Variants in DNAH6 observed in about 807,000 individuals in gnomAD.
The protein encoded by DNAH6 is dynein axonemal heavy chain 6, also known as axonemal beta dynein heavy chain 6.
A neutral mutation model predicts 491.4 loss-of-function variants in DNAH6; 340 were observed. The observed-to-expected ratio is 0.69, with a 90% CI of 0.63 to 0.76. The LOEUF (loss-of-function observed/expected upper bound fraction) is 0.76. DNAH6 is among the 30% of genes least tolerant of loss of function. The pLI, the probability that DNAH6 is intolerant of heterozygous loss-of-function variation, is 0.00. For missense variants in DNAH6, 4,443 were observed against 4,972.2 expected (o/e 0.89, Z 3.20); for synonymous variants, 1,603 against 1,686.1 (o/e 0.95, Z 1.21).
chr2:84,778,257 A>G, intron 64 of DNAH6: 1 of 603,848 alleles, frequency 1.7e-6, no homozygotes, highest in South Asian at 1.8e-5. Context: ...TCAGGAATGC[A>G]TGTCCGGCGG....
At chr2:84,625,210 TA>T (rs1444986601) in intron 29 of DNAH6, 147 bp downstream of exon 29, 2 of 783,616 alleles carry the variant, frequency 2.6e-6, no homozygotes, top group African/African-American at 3.6e-5. Context: ...GTGGAATAAA[TA>T]GAGCAAGGGA....
intron 3 of DNAH6, among the ~76,000 whole-genome samples, chr2:84,527,145 G>A (rs1464686596): frequency 6.6e-6 from 1 of 152,140 alleles, no homozygotes; most frequent in Non-Finnish European, 1.5e-5. Flanking sequence ...AGGATTTCCT[G>A]GGAGGTAAAG....
chr2:84,777,659 C>A (rs1041107342), intron 64 of DNAH6: 50 of 813,118 alleles, frequency 6.1e-5, no homozygotes, highest in East Asian at 3.1e-4. Flanking sequence ...TACAGGCACA[C>A]TGGAATCTCC....
chr2:84,732,147 T>A (rs1042445512), intron 61 of DNAH6, among the ~76,000 whole-genome samples: 4 of 152,054 alleles, frequency 2.6e-5, no homozygotes, highest in Admixed American at 2.6e-4. Flanking sequence ...AATAAGCAAG[T>A]GACAATAAGA....
At chr2:84,809,405 C>G (rs1290281227) in intron 72 of DNAH6, among the ~76,000 whole-genome samples, 1 of 152,120 alleles carries the variant, frequency 6.6e-6, no homozygotes, top group East Asian at 1.9e-4. Context: ...GCTTGGCTGG[C>G]AATACCTAGG....
intron 4 of DNAH6, among the ~76,000 whole-genome samples, chr2:84,540,250 T>A (rs1369532187): frequency 6.6e-6 from 1 of 152,124 alleles, no homozygotes; most frequent in African/African-American, 2.4e-5. Flanking sequence ...TCAGCCTGAT[T>A]GAAGAGGATG....
rs1316463224 is a variant in DNAH6, at chr2:84,525,682, T to A, written c.343T>A (p.Phe115Ile). 6.5e-7 allele frequency: 1 copy of A among 1,550,196 alleles called. No homozygotes were observed. The highest frequency in any genetic ancestry group is 8.7e-7 in the Non-Finnish European group (1 of 1,146,260). Residue 115 changes from phenylalanine to isoleucine, a missense_variant, in exon 3 of 77, where the codon TTT becomes ATT. Physicochemically the swap from Phe to Ile is conservative, Grantham distance 21. Around this residue, in one of 3 missense-constraint regions of DNAH6, gnomAD observed 2,977 missense variants for 3,296.6 expected, o/e 0.90. Coordinates refer to ENST00000389394, the MANE Select transcript of DNAH6 (RefSeq NM_001370.2). ...TCCAGTAAGCATAGCAAAAAAAAGT[T>A]TTGCCACATCATCTACTCAGTTTCT... The part of the protein sequence containing the change: ...KRPVSIAKKS[F>I]ATSSTQFLEH...
intron 48 of DNAH6, 48 bp downstream of exon 48, chr2:84,699,782 C>T: frequency 6.5e-7 from 1 of 1,537,568 alleles, no homozygotes; most frequent in Non-Finnish European, 8.8e-7. Flanking sequence ...ACTTGCTTGA[C>T]TTTAAAGGGG....
chr2:84,583,167 A>G (rs1683205312), intron 14 of DNAH6, among the ~76,000 whole-genome samples: 1 of 152,238 alleles, frequency 6.6e-6, no homozygotes, highest in Non-Finnish European at 1.5e-5. Flanking sequence ...GGGCTGTAGT[A>G]AAATAATTTA....
At chr2:84,515,107 T>G (rs930246740), upstream of DNAH6, among the ~76,000 whole-genome samples, 1 of 152,246 alleles carries the variant, frequency 6.6e-6, no homozygotes, top group Non-Finnish European at 1.5e-5. Flanking sequence ...ATTATAACTT[T>G]ATGCTTCGAT....
At position 84,619,749 on chromosome 2, in the gene DNAH6, G is replaced by A. The variant is rs983919397; in HGVS notation, c.3637G>A (p.Val1213Met). 1.5e-5 allele frequency: 24 copies of A among 1,551,542 alleles called. No homozygotes were observed. Among genetic ancestry groups the A allele is most frequent in the East Asian group, 2.4e-5 (1 of 40,926 alleles). ...ILAQTRNPQA[V>M]QPHLRKCFDS... ...GGCCCAGACACGAAATCCACAGGCC[G>A]TGCAGCCACACTTAAGGAAATGCTT... Residue 1213 changes from valine (V) to methionine (M), a missense_variant, in exon 24 of 77, where the codon GTG becomes ATG. Transcript: ENST00000389394.
intron 9 of DNAH6, among the ~76,000 whole-genome samples, chr2:84,551,679 T>G (rs552875082): frequency 6.6e-6 from 1 of 152,342 alleles, no homozygotes; most frequent in Admixed American, 6.5e-5. Flanking sequence ...AATATGCACA[T>G]TTTTAAGGCT....
rs1676256782 is a variant in DNAH6 at position 84,522,611 on chromosome 2, A to G, written c.226-2954A>G. 2.7e-5 allele frequency among the ~76,000 whole-genome samples: 4 copies of G among 150,646 alleles called. No individual in the cohort carries two copies. In the South Asian group the frequency reaches 8.3e-4, roughly 31 times the overall value. On this transcript the variant is annotated intron_variant, in intron 2 of 76. Coordinates refer to ENST00000389394, the MANE Select transcript of DNAH6 (RefSeq NM_001370.2). ...TTGAGTGTGATGTTGGCTGTGAGTA[A>G]TATATGGCTGTTATTTTGAGGTATG...
At position 84,701,460 on chromosome 2, in the gene DNAH6, G is replaced by T. The variant is rs953615971; in HGVS notation, c.8061+121G>T. 1.5e-5 allele frequency: 15 copies of T among 1,029,308 alleles called. 1 individual carries two copies. The South Asian group carries it at 2.5e-4, about 17-fold the overall frequency. 63.8% of individuals were successfully genotyped at this position (1,029,308 alleles called of 1,614,324 possible). Reference sequence around the variant, plus strand: ...CCCTGTATTAGTCCATTCTCGCACTGCTATAAAGAAATACCTGAGACTGGG... The same window carrying T: ...CCCTGTATTAGTCCATTCTCGCACTTCTATAAAGAAATACCTGAGACTGGG... On this transcript the variant is annotated intron_variant, in intron 49 of 76. Coordinates refer to ENST00000389394, the MANE Select transcript of DNAH6 (RefSeq NM_001370.2).
intron 23 of DNAH6, among the ~76,000 whole-genome samples, chr2:84,618,135 A>T (rs1687058703): frequency 6.6e-6 from 1 of 152,174 alleles, no homozygotes. Flanking sequence ...AAGTGTTTAG[A>T]GCAAGTTTCA....
At chr2:84,754,345 A>G (rs574250284) in intron 63 of DNAH6, among the ~76,000 whole-genome samples, 2 of 151,824 alleles carry the variant, frequency 1.3e-5, no homozygotes, top group East Asian at 3.9e-4. Context: ...ACACCTGGCT[A>G]ATCTTTTTGT....
intron 60 of DNAH6, among the ~76,000 whole-genome samples, chr2:84,727,260 T>C (rs1423525787): frequency 1.3e-5 from 2 of 152,144 alleles, no homozygotes; most frequent in Non-Finnish European, 2.9e-5. Flanking sequence ...GGTCCATTTC[T>C]TAAAAATAGG....
Position 84,544,500 on chromosome 2 carries a change from T to C in DNAH6, c.930T>C (p.Pro310=). Residue 310 remains proline (P), a splice_region_variant and synonymous_variant, in exon 5 of 77, where the codon CCT becomes CCC. Coordinates refer to ENST00000389394, the MANE Select transcript of DNAH6 (RefSeq NM_001370.2). ...SLQKNLFIVN[P]HLRPALLKIN... is the part of the protein sequence containing the mutation. ...AAAAAAATTTGTTCATTGTTAATCC[T>C]GTATGTATTTATCATTTATATTTTA... 1 of 1,383,884 alleles carries C rather than the reference T, an allele frequency of 7.2e-7. No homozygotes were observed. Among genetic ancestry groups the C allele is most frequent in the Non-Finnish European group, 9.9e-7 (1 of 1,008,894 alleles). The allele number at this position is 1,383,884 out of a possible 1,614,324, so 85.7% of individuals were successfully genotyped here.
At chr2:84,720,372 G>A (rs183566080) in intron 59 of DNAH6, among the ~76,000 whole-genome samples, 26 of 144,626 alleles carry the variant, frequency 1.8e-4, no homozygotes, top group Admixed American at 8.6e-4. Flanking sequence ...TCCGCCTCCC[G>A]GGTTCACGCC....
Sources: gnomAD v4.1 joint callset for allele counts (sites outside exome capture counted in the v4.1 genomes callset) on GRCh38, gnomAD v4.1.1 for gene constraint, gnomAD v4.1.1 regional missense constraint, MANE v1.5 for transcripts, NCBI Gene and HGNC (gene_info 2026-07-23, HGNC 2026-07-21) for gene names.